LPP: variants seen among roughly 807,000 people sequenced by gnomAD.
LPP encodes lipoma-preferred partner.
Under a neutral mutation model 60.4 loss-of-function variants are expected in LPP, and 38 were observed. That is an observed-to-expected ratio of 0.63 (90% CI 0.49 to 0.83). The LOEUF is 0.83. Among genes scored for constraint, LPP ranks in the 40% least tolerant of loss-of-function variants. LPP has a pLI of 0.00. For missense variants in LPP, 902 were observed against 783.6 expected (o/e 1.15, Z -1.80); for synonymous variants, 328 against 290.8 (o/e 1.13, Z -1.30).
chr3:188,528,263 G>A (rs776998015), intron 6 of LPP, among the ~76,000 whole-genome samples: 21 of 152,008 alleles, frequency 1.4e-4, no homozygotes, highest in Non-Finnish European at 1.9e-4. Context: ...TCCTGACCTC[G>A]TGACTGACCC....
Position 188,785,533 on chromosome 3 carries a change from AT to A in LPP, c.1410+25252del, listed in dbSNP as rs1178003330. Reference sequence around the variant, plus strand: ...TCATATATATATATATATATATTCCATCATATATATATATACACACACACAC... The same window carrying A: ...TCATATATATATATATATATATTCCACATATATATATATACACACACACAC... On this transcript the variant is annotated intron_variant, in intron 9 of 11. Transcript: ENST00000617246. Among the ~76,000 whole-genome samples the A allele has an allele frequency of 4.0e-3, 62 of 15,540 alleles. 19 individuals carry two copies. Among genetic ancestry groups the A allele is most frequent in the East Asian group, 0.029 (2 of 68 alleles). 10.2% of individuals were successfully genotyped at this position (15,540 alleles called of 152,430 possible).
At chr3:188,184,597 G>T (rs1335020988) in intron 1 of LPP, among the ~76,000 whole-genome samples, 1 of 152,164 alleles carries the variant, frequency 6.6e-6, no homozygotes, top group East Asian at 1.9e-4. Context: ...GGAAAAGCAG[G>T]TCGGACCCTA....
At chr3:188,749,008 T>G (rs144112117) in intron 8 of LPP, among the ~76,000 whole-genome samples, 1 of 152,230 alleles carries the variant, frequency 6.6e-6, no homozygotes, top group Non-Finnish European at 1.5e-5. Flanking sequence ...AACATTGAGA[T>G]GTACAAATCC....
At chr3:188,851,304 G>T (rs1298527312) in intron 9 of LPP, among the ~76,000 whole-genome samples, 1 of 152,108 alleles carries the variant, frequency 6.6e-6, no homozygotes, top group Non-Finnish European at 1.5e-5. Context: ...TGTCTTTATT[G>T]ATTGAGAACT....
intron 2 of LPP, among the ~76,000 whole-genome samples, chr3:188,264,881 C>T (rs953512753): frequency 6.6e-6 from 1 of 151,770 alleles, no homozygotes; most frequent in African/African-American, 2.4e-5. Flanking sequence ...AATAAAAAAG[C>T]AAAACAAAAC....
intron 2 of LPP, among the ~76,000 whole-genome samples, chr3:188,241,375 A>G (rs1577490134): frequency 6.6e-6 from 1 of 152,288 alleles, no homozygotes; most frequent in Admixed American, 6.5e-5. Flanking sequence ...TTTGTGTGAG[A>G]CATGCTGTGT....
chr3:188,583,171 CCT>C (rs1491585581), intron 6 of LPP, among the ~76,000 whole-genome samples: 1 of 152,144 alleles, frequency 6.6e-6, no homozygotes, highest in Admixed American at 6.6e-5. Context: ...GACAAAATAA[CCT>C]TTTTTGGTTT....
At chr3:188,416,991 G>A (rs551977421) in intron 4 of LPP, among the ~76,000 whole-genome samples, 5 of 152,086 alleles carry the variant, frequency 3.3e-5, no homozygotes, top group East Asian at 1.9e-4. Context: ...CTAGAATAAC[G>A]ATTAACCTAA....
chr3:188,445,866 T>C (rs1032991161), intron 4 of LPP, among the ~76,000 whole-genome samples: 1 of 152,232 alleles, frequency 6.6e-6, no homozygotes, highest in African/African-American at 2.4e-5. Flanking sequence ...GGTAATGAGA[T>C]AAAGAATTCC....
At chr3:188,153,799 T>C (rs548597568), upstream of LPP, 1 of 152,010 alleles carries the variant, frequency 6.6e-6, no homozygotes, top group African/African-American at 2.4e-5. Flanking sequence ...AAGTCAGGAA[T>C]TCAGGCCCCT....
At chr3:188,407,790 T>TTTTTTTTTTTTTTTTTTTTTTTTTTTTTG (rs1560364521) in intron 4 of LPP, among the ~76,000 whole-genome samples, 1 of 76,324 alleles carries the variant, frequency 1.3e-5, no homozygotes. Context: ...GTTTGTTTGT[T>TTTTTTTTTTTTTTTTTTTTTTTTTTTTTG]TTTTTTTTTT....
chr3:188,721,426 C>T (rs960149635), intron 8 of LPP, among the ~76,000 whole-genome samples: 1 of 152,038 alleles, frequency 6.6e-6, no homozygotes, highest in Non-Finnish European at 1.5e-5. Context: ...TAGTGATGCA[C>T]ATCTGTGGTT....
intron 9 of LPP, among the ~76,000 whole-genome samples, chr3:188,843,603 C>G (rs565983659): frequency 1.3e-5 from 2 of 150,884 alleles, no homozygotes; most frequent in East Asian, 2.0e-4. Flanking sequence ...CCGGCTAAAA[C>G]GGTGAAACCC....
At chr3:188,384,715 C>T (rs1035475533) in intron 3 of LPP, among the ~76,000 whole-genome samples, 3 of 144,030 alleles carry the variant, frequency 2.1e-5, no homozygotes, top group South Asian at 2.2e-4. Context: ...GCTTGAACCA[C>T]GAAGTCGGAG....
At chr3:188,165,358 A>G (rs976504835) in intron 1 of LPP, among the ~76,000 whole-genome samples, 2 of 152,106 alleles carry the variant, frequency 1.3e-5, no homozygotes, top group African/African-American at 4.8e-5. Flanking sequence ...AGAGATTGTC[A>G]TTTGATTGGG....
chr3:188,235,339 C>T (rs1013878842), intron 2 of LPP, among the ~76,000 whole-genome samples: 2 of 151,996 alleles, frequency 1.3e-5, no homozygotes, highest in Non-Finnish European at 2.9e-5. Context: ...ATATTAAGAG[C>T]AAACCACAGA....
chr3:188,462,634 GTTACTT>G (rs1307639913), intron 4 of LPP, among the ~76,000 whole-genome samples: 1 of 59,512 alleles, frequency 1.7e-5, no homozygotes, highest in Non-Finnish European at 3.9e-5. Context: ...GTGTGTGTGT[GTTACTT>G]TTTTGGGTGT....
At chr3:188,754,921 T>A (rs932436654) in intron 8 of LPP, among the ~76,000 whole-genome samples, 1 of 152,216 alleles carries the variant, frequency 6.6e-6, no homozygotes, top group African/African-American at 2.4e-5. Flanking sequence ...AATTTTTAAA[T>A]CAGCTTAATG....
chr3:188,713,369 G>A (rs1485645753), intron 8 of LPP, among the ~76,000 whole-genome samples: 3 of 149,344 alleles, frequency 2.0e-5, no homozygotes, highest in African/African-American at 4.9e-5. Context: ...CAAGGCATGT[G>A]TCTTGATTGA....
Sources: gnomAD v4.1 joint callset for allele counts (sites outside exome capture counted in the v4.1 genomes callset) on GRCh38, gnomAD v4.1.1 for gene constraint, MANE v1.5 for transcripts, NCBI Gene and HGNC (gene_info 2026-07-23, HGNC 2026-07-21) for gene names.